The following ROCK1 variants were observed in gnomAD, a reference collection of about 807,000 sequenced individuals.
The protein encoded by ROCK1 is rho-associated protein kinase 1.
A neutral mutation model predicts 196.8 loss-of-function variants in ROCK1; 36 were observed. That is an observed-to-expected ratio of 0.18 (90% CI 0.14 to 0.24). ROCK1 has a LOEUF of 0.24. Ranked by LOEUF, ROCK1 falls within the 10% of genes least tolerant of loss-of-function variation. The probability of loss-of-function intolerance (pLI) is 1.00; values close to 1 mark genes in which losing one functional copy is unlikely to be tolerated. For missense variants in ROCK1, 920 were observed against 1,562.0 expected (o/e 0.59, Z 6.93); for synonymous variants, 443 against 515.9 (o/e 0.86, Z 1.91).
At chr18:21,029,671 TTAA>T (rs2035989823) in intron 9 of ROCK1, among the ~76,000 whole-genome samples, 1 of 152,194 alleles carries the variant, frequency 6.6e-6, no homozygotes, top group Non-Finnish European at 1.5e-5. Context: ...TTCCAGATAC[TTAA>T]TAATATAAAA....
chr18:21,002,375 G>T lies in ROCK1; in HGVS notation c.1885+3976C>A, dbSNP rs777034556. ...CTAAACTTCATGTGAGCATCATTAA[G>T]AATAATGCAAAGGGCTAACATATAT... On this transcript the variant is annotated intron_variant, in intron 16 of 32. Coordinates refer to ENST00000399799, the MANE Select transcript of ROCK1 (RefSeq NM_005406.3). 5.9e-5 allele frequency among the ~76,000 whole-genome samples: 9 copies of T among 152,146 alleles called. 1 individual carries two copies. The highest frequency in any genetic ancestry group is 1.3e-4 in the Non-Finnish European group (9 of 68,026).
intron 9 of ROCK1, among the ~76,000 whole-genome samples, chr18:21,029,699 G>A (rs1269777678): frequency 2.6e-5 from 4 of 151,954 alleles, no homozygotes; most frequent in Admixed American, 6.6e-5. Context: ...ATGTGACAAC[G>A]TTTAAATATT....
At chr18:21,002,210 A>T in intron 16 of ROCK1, among the ~76,000 whole-genome samples, 1 of 152,184 alleles carries the variant, frequency 6.6e-6, no homozygotes, top group East Asian at 1.9e-4. Context: ...GTCATATGCT[A>T]CAAAAGGAAC....
chr18:21,048,892 C>T (rs1285133058), intron 4 of ROCK1, among the ~76,000 whole-genome samples, 200 bp downstream of exon 4: 1 of 152,210 alleles, frequency 6.6e-6, no homozygotes, highest in Non-Finnish European at 1.5e-5. Context: ...ATAAATTCTA[C>T]AGAAGCATGG....
chr18:21,063,213 T>TACTA (rs1017276331), intron 2 of ROCK1, among the ~76,000 whole-genome samples: 45 of 152,254 alleles, frequency 3.0e-4, no homozygotes, highest in African/African-American at 1.1e-3. Flanking sequence ...CGTCCCCACC[T>TACTA]ACTAGCACTG....
At chr18:21,069,465 A>G (rs1306563905) in intron 2 of ROCK1, among the ~76,000 whole-genome samples, 1 of 152,102 alleles carries the variant, frequency 6.6e-6, no homozygotes, top group Non-Finnish European at 1.5e-5. Context: ...TATTTCTACT[A>G]AAGCATTAAT....
chr18:20,952,506 G>A (rs1313357642), intron 32 of ROCK1, among the ~76,000 whole-genome samples: 2 of 152,054 alleles, frequency 1.3e-5, no homozygotes, highest in East Asian at 1.9e-4. Context: ...AGCCAGGCAT[G>A]GTGGCTCACG....
rs1490831726 is a variant in ROCK1, at chr18:21,043,991, A to G, written c.675+111T>C. ...GGTCATATTAATTCTGGACAAGTCC[A>G]GCTATGGTTAGTAAATTCTTACACC... On this transcript the variant is annotated intron_variant, in intron 6 of 32. Transcript: ENST00000399799. 1.1e-5 allele frequency: 7 copies of G among 650,192 alleles called. No individual in the cohort carries two copies. The East Asian group carries it at 1.3e-4, about 12-fold the overall frequency. 40.3% of individuals were successfully genotyped at this position (650,192 alleles called of 1,614,324 possible).
At chr18:21,019,022 A>C (rs2035889400) in intron 12 of ROCK1, among the ~76,000 whole-genome samples, 1 of 152,226 alleles carries the variant, frequency 6.6e-6, no homozygotes, top group Non-Finnish European at 1.5e-5. Context: ...CCACAGAAAA[A>C]GATACTCTGA....
chr18:21,023,479 G>A (rs2035931287), intron 11 of ROCK1, 141 bp downstream of exon 11: 1 of 441,828 alleles, frequency 2.3e-6, no homozygotes, highest in Admixed American at 4.3e-5. Context: ...AAAGGAGATG[G>A]GAGATGAAAG....
At chr18:21,060,858 A>G (rs1205093541) in intron 2 of ROCK1, among the ~76,000 whole-genome samples, 43 of 151,780 alleles carry the variant, frequency 2.8e-4, no homozygotes, top group African/African-American at 1.0e-3. Flanking sequence ...AAAAAAAAAA[A>G]AAACCTAAAT....
intron 9 of ROCK1, among the ~76,000 whole-genome samples, chr18:21,032,161 A>T (rs2036014333): frequency 6.6e-6 from 1 of 152,252 alleles, no homozygotes; most frequent in Non-Finnish European, 1.5e-5. Flanking sequence ...ACATGAAGAC[A>T]CATCATAATC....
At chr18:21,050,481 C>G (rs73959779) in intron 2 of ROCK1, among the ~76,000 whole-genome samples, 1,579 of 152,162 alleles carry the variant, frequency 0.01, 31 homozygotes, top group African/African-American at 0.036. Context: ...ACTTGTCATA[C>G]TACAAACTAC....
intron 2 of ROCK1, among the ~76,000 whole-genome samples, chr18:21,052,144 T>C (rs899091905): frequency 3.3e-5 from 5 of 152,228 alleles, no homozygotes; most frequent in African/African-American, 7.2e-5. Context: ...TAAAAGATCT[T>C]TCTATGTTCT....
chr18:20,978,291 T>C (rs560073461), intron 22 of ROCK1, among the ~76,000 whole-genome samples: 7 of 151,548 alleles, frequency 4.6e-5, no homozygotes, highest in African/African-American at 2.4e-5. Flanking sequence ...TTGAATGCCA[T>C]AGTGGTTAAC....
Position 20,950,000 on chromosome 18 carries a change from T to C in ROCK1, c.*1384A>G, listed in dbSNP as rs1251788358. ...TTCAATACCACTTGAAACATGCATATCATCCTAGAGACGATCGGTTTTCCA... is the reference window on the plus strand; with the variant it reads ...TTCAATACCACTTGAAACATGCATACCATCCTAGAGACGATCGGTTTTCCA... On this transcript the variant is annotated 3_prime_UTR_variant, in exon 33 of 33. Coordinates refer to ENST00000399799, the MANE Select transcript of ROCK1 (RefSeq NM_005406.3). 6.5e-6 allele frequency: 1 copy of C among 152,698 alleles called. No homozygotes were observed. The highest frequency in any genetic ancestry group is 2.4e-5 in the African/African-American group (1 of 41,466). The allele number at this position is 152,698 out of a possible 1,614,324, so 9.5% of individuals were successfully genotyped here.
chr18:21,100,276 A>T (rs1475252200), intron 1 of ROCK1, among the ~76,000 whole-genome samples: 1 of 152,054 alleles, frequency 6.6e-6, no homozygotes, highest in Non-Finnish European at 1.5e-5. Flanking sequence ...GACAAGAAAC[A>T]ATTTCATCCA....
At chr18:21,084,089 T>C (rs2036505496) in intron 1 of ROCK1, among the ~76,000 whole-genome samples, 1 of 152,126 alleles carries the variant, frequency 6.6e-6, no homozygotes, top group Non-Finnish European at 1.5e-5. Context: ...GAGAATCAAG[T>C]GGGAGCCCCT....
intron 27 of ROCK1, among the ~76,000 whole-genome samples, chr18:20,964,321 TATCTA>T (rs2035353361): frequency 6.6e-6 from 1 of 152,190 alleles, no homozygotes; most frequent in African/African-American, 2.4e-5. Flanking sequence ...GATATGTAAC[TATCTA>T]ATATTAAGAA....
Sources: allele counts gnomAD v4.1 joint callset (sites outside exome capture counted in the v4.1 genomes callset), GRCh38; gene constraint gnomAD v4.1.1; transcripts MANE v1.5; gene names NCBI Gene and HGNC (gene_info 2026-07-23, HGNC 2026-07-21).